RNF40: variants seen among roughly 807,000 people sequenced by gnomAD.
RNF40 encodes E3 ubiquitin-protein ligase BRE1B.
Under a neutral mutation model 123.3 loss-of-function variants are expected in RNF40, and 39 were observed. The observed-to-expected ratio is 0.32, with a 90% CI of 0.24 to 0.41. The LOEUF (loss-of-function observed/expected upper bound fraction) is 0.41, where lower values mean the gene tolerates loss of function less well. Among genes scored for constraint, RNF40 ranks in the 10% least tolerant of loss-of-function variants. The probability of loss-of-function intolerance (pLI) is 1.00; values close to 1 mark genes in which losing one functional copy is unlikely to be tolerated. For missense variants in RNF40, 1,003 were observed against 1,319.9 expected (o/e 0.76, Z 3.72); for synonymous variants, 538 against 526.0 (o/e 1.02, Z -0.31).
At position 30,772,085 on chromosome 16, in the gene RNF40, C is replaced by G. The variant is rs746043641; in HGVS notation, c.2728-4C>G. Reference sequence around the variant, plus strand: ...TGCCCTTAGCCAGGCCTCTCCTGCCCCAGGAGGACATCTCACGGCTGCGGC... The same window carrying G: ...TGCCCTTAGCCAGGCCTCTCCTGCCGCAGGAGGACATCTCACGGCTGCGGC... On this transcript the variant is annotated splice_region_variant and splice_polypyrimidine_tract_variant and intron_variant, in intron 18 of 19. Coordinates refer to ENST00000324685, the MANE Select transcript of RNF40 (RefSeq NM_014771.4). 9.4e-5 allele frequency: 147 copies of G among 1,565,608 alleles called. No individual in the cohort carries two copies. Among genetic ancestry groups the G allele is most frequent in the Non-Finnish European group, 1.2e-4 (141 of 1,155,184 alleles).
rs1319766868 is a variant in RNF40, at chr16:30,764,167, C to G, written c.443-12C>G. 6.3e-7 allele frequency: 1 copy of G among 1,599,938 alleles called. No homozygotes were observed. The highest frequency in any genetic ancestry group is 1.7e-5 in the Admixed American group (1 of 58,398). On this transcript the variant is annotated splice_polypyrimidine_tract_variant and intron_variant, in intron 4 of 19. Transcript: ENST00000324685. Reference sequence around the variant, plus strand: ...GCTCTTATCCTCATGAGGGTCTGTCCATTCCTTCCAGACCCCTTGCTGATG... The same window carrying G: ...GCTCTTATCCTCATGAGGGTCTGTCGATTCCTTCCAGACCCCTTGCTGATG...
At position 30,766,465 on chromosome 16, in the gene RNF40, C is replaced by T. The variant is rs926930362; in HGVS notation, c.1200C>T (p.Asn400=). The change falls in exon 10 of 20, where the codon AAC becomes AAT. Residue 400 remains asparagine (N), a synonymous_variant. Transcript: ENST00000324685. This position sits in a 1 kb window ranked among gnomAD's most constrained non-coding sequence, Gnocchi z 5.4. ...MLQAQFSLLY[N]ESLQVKTQLD... Reference sequence around the variant, plus strand: ...AGGCCCAATTCTCACTGCTCTACAACGAGTCTCTGCAAGTGAAGACCCAGC... The same window carrying T: ...AGGCCCAATTCTCACTGCTCTACAATGAGTCTCTGCAAGTGAAGACCCAGC... 5.6e-6 allele frequency: 9 copies of T among 1,613,778 alleles called. No individual in the cohort carries two copies. The highest frequency in any genetic ancestry group is 1.6e-4 in the Middle Eastern group (1 of 6,084).
chr16:30,771,761 G>T, intron 17 of RNF40, 72 bp from the exon 18 acceptor site: 1 of 1,487,588 alleles, frequency 6.7e-7, no homozygotes, highest in African/African-American at 1.4e-5. Flanking sequence ...AGAAGCATTG[G>T]TGGGCCGTGA....
At chr16:30,767,322 C>T (rs1238308037) in intron 11 of RNF40, among the ~76,000 whole-genome samples, 1 of 151,936 alleles carries the variant, frequency 6.6e-6, no homozygotes, top group Non-Finnish European at 1.5e-5. Context: ...TAGCTCTTGA[C>T]AGATAGGAAA....
chr16:30,763,911 G>T (rs570574774), intron 4 of RNF40, among the ~76,000 whole-genome samples: 1 of 152,184 alleles, frequency 6.6e-6, no homozygotes, highest in East Asian at 1.9e-4. Context: ...GAATGATTGT[G>T]TGTGCATGCA....
intron 4 of RNF40, among the ~76,000 whole-genome samples, chr16:30,763,854 G>A (rs994705104): frequency 6.6e-6 from 1 of 152,146 alleles, no homozygotes; most frequent in East Asian, 1.9e-4. Flanking sequence ...CTATAAGGGA[G>A]GAAATTATAA....
In RNF40 at chr16:30,768,675, C is replaced by T. The variant is rs749859727; in HGVS notation, c.2036C>T (p.Ala679Val). The change falls in exon 14 of 20, where the codon GCG (alanine) becomes GTG (valine). Residue 679 changes from alanine (A) to valine (V), a missense_variant. Transcript: ENST00000324685. The surrounding 1 kb of genome is among the most constrained non-coding windows in gnomAD (Gnocchi z 4.1). ...CTGCTGCTGGATATGTACAAGTCAG[C>T]GCCCAAGGAGCAGCGGGATAAGGTG... ...MKLLLDMYKS[A>V]PKEQRDKVQL... 9.9e-6 allele frequency: 16 copies of T among 1,614,024 alleles called. No homozygotes were observed. The highest frequency in any genetic ancestry group is 1.3e-5 in the African/African-American group (1 of 74,942).
chr16:30,772,285 T>C lies in RNF40; in HGVS notation c.2829+95T>C, dbSNP rs1246304885. The C allele has an allele frequency of 6.0e-6, 6 of 1,002,924 alleles. No individual in the cohort carries two copies. In the South Asian group the frequency reaches 6.9e-5, roughly 11 times the overall value. 62.1% of individuals were successfully genotyped at this position (1,002,924 alleles called of 1,614,324 possible). ...GAGAGTCTGGGGACCCTGGAAGTAA[T>C]GTAGGGCAGCAGAAAGTGGGCAGCA... On this transcript the variant is annotated intron_variant, in intron 19 of 19. Coordinates refer to ENST00000324685, the MANE Select transcript of RNF40 (RefSeq NM_014771.4).
intron 19 of RNF40, among the ~76,000 whole-genome samples, chr16:30,772,680 C>T (rs1376116628): frequency 1.3e-5 from 2 of 152,224 alleles, no homozygotes; most frequent in Non-Finnish European, 2.9e-5. Context: ...GTTGCTGGGA[C>T]AGCACCGGAG....
chr16:30,764,805 A>G, intron 5 of RNF40, 133 bp from the exon 6 acceptor site: 1 of 1,285,970 alleles, frequency 7.8e-7, no homozygotes, highest in Non-Finnish European at 1.1e-6. Flanking sequence ...GGGGATAAAG[A>G]CTCCTGGCTT....
Position 30,766,167 on chromosome 16 carries a change from A to C in RNF40, c.998A>C (p.Glu333Ala). ...GCCCTGCCTCCCACTCCTTAGTTTGAGATGCTGAATGCAGAGTTAGAGGAA... is the reference window on the plus strand; with the variant it reads ...GCCCTGCCTCCCACTCCTTAGTTTGCGATGCTGAATGCAGAGTTAGAGGAA... ...GQITLSMQKF[E>A]MLNAELEENQ... Residue 333 changes from glutamate to alanine, a missense_variant, in exon 9 of 20, where the codon GAG (glutamate) becomes GCG (alanine). Around this residue, in one of 11 missense-constraint regions of RNF40, gnomAD observed 274 missense variants for 356.9 expected, o/e 0.77. Coordinates refer to ENST00000324685, the MANE Select transcript of RNF40 (RefSeq NM_014771.4). This position sits in a 1 kb window ranked among gnomAD's most constrained non-coding sequence, Gnocchi z 5.4. 3 of 1,613,958 alleles carry C rather than the reference A, an allele frequency of 1.9e-6. No homozygotes were observed. Among genetic ancestry groups the C allele is most frequent in the Non-Finnish European group, 2.5e-6 (3 of 1,179,994 alleles).
intron 15 of RNF40, 44 bp from the exon 16 acceptor site, chr16:30,769,142 G>C (rs1222388094): frequency 6.2e-7 from 1 of 1,606,460 alleles, no homozygotes; most frequent in East Asian, 2.2e-5. Context: ...CAGCCATCCT[G>C]TCCACTTCCC....
rs2151330956 is a variant in RNF40 at position 30,768,325 on chromosome 16, A to G, written c.1774A>G (p.Ile592Val). Residue 592 changes from isoleucine (I) to valine (V), a missense_variant, in exon 13 of 20, where the codon ATA (isoleucine) becomes GTA (valine). By Grantham distance (29) the Ile-to-Val change is conservative. Coordinates refer to ENST00000324685, the MANE Select transcript of RNF40 (RefSeq NM_014771.4). This position sits in a 1 kb window ranked among gnomAD's most constrained non-coding sequence, Gnocchi z 4.1. ...CCCCTCTGAAGAGGACTTCCAGGGTATAACCCCTGGGGCCCAGGGCCCTTC... is the reference window on the plus strand; with the variant it reads ...CCCCTCTGAAGAGGACTTCCAGGGTGTAACCCCTGGGGCCCAGGGCCCTTC... ...LVPSEEDFQG[I>V]TPGAQGPSSR... The G allele has an allele frequency of 6.2e-7, 1 of 1,613,484 alleles. No homozygotes were observed. The highest frequency in any genetic ancestry group is 8.5e-7 in the Non-Finnish European group (1 of 1,179,696).
rs754564697 is a variant in RNF40 at position 30,765,014 on chromosome 16, C to G, written c.726C>G (p.Asp242Glu). ...ELGRENRRLQ[D>E]LATQLQEKHH... ...GCCGTGAGAACCGGCGACTGCAGGACTTGGCCACTCAGCTGCAGGAGAAAC... is the reference window on the plus strand; with the variant it reads ...GCCGTGAGAACCGGCGACTGCAGGAGTTGGCCACTCAGCTGCAGGAGAAAC... Residue 242 changes from aspartate (D) to glutamate (E), a missense_variant, in exon 6 of 20, where the codon GAC becomes GAG. Physicochemically the swap from Asp to Glu is conservative, Grantham distance 45. Around this residue, in one of 11 missense-constraint regions of RNF40, gnomAD observed 274 missense variants for 356.9 expected, o/e 0.77. Coordinates refer to ENST00000324685, the MANE Select transcript of RNF40 (RefSeq NM_014771.4). 2 of 1,613,868 alleles carry G rather than the reference C, an allele frequency of 1.2e-6. No individual in the cohort carries two copies. The highest frequency in any genetic ancestry group is 1.7e-6 in the Non-Finnish European group (2 of 1,180,014).
upstream of RNF40, chr16:30,761,780 G>A (rs2151322443): frequency 2.7e-6 from 4 of 1,496,984 alleles, no homozygotes; most frequent in Non-Finnish European, 3.6e-6. Flanking sequence ...GAGGCGCCCC[G>A]GGCTCCCGCC....
chr16:30,773,056 C>T (rs1306951493), intron 19 of RNF40, among the ~76,000 whole-genome samples: 3 of 152,040 alleles, frequency 2.0e-5, no homozygotes, highest in African/African-American at 7.2e-5. Flanking sequence ...TGCGGGGGAG[C>T]AGGTTCTATG....
At position 30,766,702 on chromosome 16, in the gene RNF40, C is replaced by T. The variant is rs1408216141; in HGVS notation, c.1294-39C>T. The T allele has an allele frequency of 3.7e-6, 6 of 1,612,108 alleles. No individual in the cohort carries two copies. Among genetic ancestry groups the T allele is most frequent in the East Asian group, 2.2e-5 (1 of 44,876 alleles). On this transcript the variant is annotated intron_variant, in intron 10 of 19. Transcript: ENST00000324685. This position sits in a 1 kb window ranked among gnomAD's most constrained non-coding sequence, Gnocchi z 5.4. ...TAAGATACTGAGTCCTGAGGTGGGA[C>T]CGAGGGGCTGTGTGGGTCCTTAACA...
rs558777175 is a variant in RNF40, at chr16:30,775,250, A to G, written c.*1136A>G. 3.9e-4 allele frequency: 134 copies of G among 341,002 alleles called. 3 individuals carry two copies. The highest frequency in any genetic ancestry group is 3.7e-3 in the East Asian group (45 of 12,082). 21.1% of individuals were successfully genotyped at this position (341,002 alleles called of 1,614,324 possible). A position where few individuals can be genotyped will look rare whatever the true frequency, so the allele number is the denominator to read the frequency against. On this transcript the variant is annotated 3_prime_UTR_variant, in exon 20 of 20. Coordinates refer to ENST00000324685, the MANE Select transcript of RNF40 (RefSeq NM_014771.4). ...CCCCCGATTTTAGCTGCAGCAGCTG[A>G]GCAGCACTTTGCTGGCTTGGTGTGA...
rs546266862 is a variant in RNF40 at position 30,768,300 on chromosome 16, C to G, written c.1749C>G (p.Val583=). ...TTTSVKKEEL[V]PSEEDFQGIT... ...CTTCAGTGAAGAAGGAGGAGCTGGT[C>G]CCCTCTGAAGAGGACTTCCAGGGTA... is the stretch of plus-strand genomic sequence containing the variant. Residue 583 remains valine (V), a synonymous_variant, in exon 13 of 20, where the codon GTC becomes GTG. Coordinates refer to ENST00000324685, the MANE Select transcript of RNF40 (RefSeq NM_014771.4). This position sits in a 1 kb window ranked among gnomAD's most constrained non-coding sequence, Gnocchi z 4.1. The G allele has an allele frequency of 1.3e-5, 21 of 1,613,950 alleles. No individual in the cohort carries two copies. In the South Asian group the frequency reaches 2.2e-4, roughly 17 times the overall value.
Sources: gnomAD v4.1 joint callset for allele counts (sites outside exome capture counted in the v4.1 genomes callset) on GRCh38, gnomAD v4.1.1 for gene constraint, gnomAD v4.1.1 regional missense constraint, Gnocchi (gnomAD v3.1) non-coding constraint, MANE v1.5 for transcripts, NCBI Gene and HGNC (gene_info 2026-07-23, HGNC 2026-07-21) for gene names.